KCNIP4: variants seen among roughly 807,000 people sequenced by gnomAD.
KCNIP4 encodes the protein potassium voltage-gated channel interacting protein 4.
Under a neutral mutation model 34.0 loss-of-function variants are expected in KCNIP4, and 12 were observed. The observed-to-expected ratio is 0.35, with a 90% CI of 0.23 to 0.57. The LOEUF (loss-of-function observed/expected upper bound fraction) is 0.57. Among genes scored for constraint, KCNIP4 ranks in the 20% least tolerant of loss-of-function variants. The pLI, the probability that KCNIP4 is intolerant of heterozygous loss-of-function variation, is 0.83. For synonymous variants in KCNIP4, 124 were observed against 102.2 expected (o/e 1.21, Z -1.29); for missense variants, 238 against 311.7 (o/e 0.76, Z 1.78).
chr4:21,926,821 T>G lies in KCNIP4; in HGVS notation c.61+21750A>C, dbSNP rs372006925. 1.9e-3 allele frequency among the ~76,000 whole-genome samples: 297 copies of G among 152,326 alleles called. 2 individuals carry two copies. The highest frequency in any genetic ancestry group is 6.6e-3 in the African/African-American group (275 of 41,578). On this transcript the variant is annotated intron_variant, in intron 1 of 8. Transcript: ENST00000382152. Reference sequence around the variant, plus strand: ...ATTATTAAGATGTATATCCTTTCTCTAAGTATGTTGTTTATATTATTGTAA... The same window carrying G: ...ATTATTAAGATGTATATCCTTTCTCGAAGTATGTTGTTTATATTATTGTAA...
At chr4:21,722,316 G>A (rs571464529) in intron 1 of KCNIP4, among the ~76,000 whole-genome samples, 1 of 152,138 alleles carries the variant, frequency 6.6e-6, no homozygotes, top group Non-Finnish European at 1.5e-5. Flanking sequence ...CTTTAGGCAT[G>A]TGAGGCGGGG....
At chr4:21,149,737 T>C (rs1214890498) in intron 1 of KCNIP4, among the ~76,000 whole-genome samples, 1 of 151,874 alleles carries the variant, frequency 6.6e-6, no homozygotes, top group South Asian at 2.1e-4. Context: ...AAGGAGAGTA[T>C]AATGAAGTAA....
At chr4:21,551,773 G>A (rs957588954) in intron 1 of KCNIP4, among the ~76,000 whole-genome samples, 3 of 151,942 alleles carry the variant, frequency 2.0e-5, no homozygotes, top group Non-Finnish European at 2.9e-5. Context: ...TAGAATTTTT[G>A]TTCCCCTAAC....
At chr4:21,206,563 A>T (rs1461639907) in intron 1 of KCNIP4, among the ~76,000 whole-genome samples, 1 of 152,204 alleles carries the variant, frequency 6.6e-6, no homozygotes, top group Non-Finnish European at 1.5e-5. Context: ...TGAGAAGAGC[A>T]TTAGACTGAG....
intron 1 of KCNIP4, among the ~76,000 whole-genome samples, chr4:21,801,932 G>C (rs1721027372): frequency 6.6e-6 from 1 of 151,862 alleles, no homozygotes; most frequent in Non-Finnish European, 1.5e-5. Flanking sequence ...GAAAGGGATA[G>C]AGAACACAAA....
intron 1 of KCNIP4, among the ~76,000 whole-genome samples, chr4:21,917,108 T>C (rs1560180609): frequency 6.6e-6 from 1 of 151,068 alleles, no homozygotes; most frequent in Non-Finnish European, 1.5e-5. Flanking sequence ...AGAACTAATA[T>C]TTATTTAGTA....
Position 20,990,535 on chromosome 4 carries a change from T to C in KCNIP4, c.62-107826A>G, listed in dbSNP as rs146238451. Reference sequence around the variant, plus strand: ...CCATCCTAAGACACTTCCAGCAATATTGCACTAATGTATCTTGAAAATAGT... The same window carrying C: ...CCATCCTAAGACACTTCCAGCAATACTGCACTAATGTATCTTGAAAATAGT... On this transcript the variant is annotated intron_variant, in intron 1 of 8. Transcript: ENST00000382152. 2.1e-3 allele frequency among the ~76,000 whole-genome samples: 321 copies of C among 152,326 alleles called. 1 individual carries two copies. Among genetic ancestry groups the C allele is most frequent in the Non-Finnish European group, 2.8e-3 (190 of 68,030 alleles).
intron 1 of KCNIP4, among the ~76,000 whole-genome samples, chr4:21,864,399 T>A (rs1289718352): frequency 6.6e-6 from 1 of 152,146 alleles, no homozygotes; most frequent in South Asian, 2.1e-4. Context: ...AACAACCAGG[T>A]TTTTAGGACC....
chr4:21,882,418 G>A (rs1001912132), intron 1 of KCNIP4, among the ~76,000 whole-genome samples: 10 of 152,106 alleles, frequency 6.6e-5, no homozygotes, highest in African/African-American at 1.7e-4. Context: ...TACAAAACAT[G>A]AAGAGTTTTT....
rs11944478 is a variant in KCNIP4 at position 21,626,018 on chromosome 4, C to T, written c.61+322553G>A. Among the ~76,000 whole-genome samples, 111 of 152,228 alleles carry T rather than the reference C, an allele frequency of 7.3e-4. 1 individual carries two copies. The highest frequency in any genetic ancestry group is 3.4e-3 in the Middle Eastern group (1 of 294). On this transcript the variant is annotated intron_variant, in intron 1 of 8. Coordinates refer to ENST00000382152, the MANE Select transcript of KCNIP4 (RefSeq NM_025221.6). ...AAGCTTCCTAGTTGAATTTTAATTT[C>T]AGATAAACAGCCAATACTTCTTTAG...
At chr4:21,008,855 T>C (rs182710097) in intron 1 of KCNIP4, among the ~76,000 whole-genome samples, 16 of 152,124 alleles carry the variant, frequency 1.1e-4, no homozygotes, top group Admixed American at 9.8e-4. Context: ...TGTAAGGTGC[T>C]AATCATTGGG....
intron 1 of KCNIP4, among the ~76,000 whole-genome samples, chr4:21,235,673 G>C (rs1004374609): frequency 4.6e-5 from 7 of 152,098 alleles, no homozygotes; most frequent in African/African-American, 1.7e-4. Context: ...CAGCTTATTT[G>C]GTTAGTGACT....
At chr4:20,930,682 G>T (rs1730366575) in intron 1 of KCNIP4, among the ~76,000 whole-genome samples, 1 of 152,076 alleles carries the variant, frequency 6.6e-6, no homozygotes, top group African/African-American at 2.4e-5. Flanking sequence ...CAAACAGCTT[G>T]ATTAAAAACA....
chr4:21,102,066 G>C (rs1368146757), intron 1 of KCNIP4, among the ~76,000 whole-genome samples: 1 of 152,160 alleles, frequency 6.6e-6, no homozygotes, highest in Non-Finnish European at 1.5e-5. Context: ...TGCCTTTAGA[G>C]ACCCTCTTGG....
At chr4:21,640,330 T>C (rs1746522161) in intron 1 of KCNIP4, among the ~76,000 whole-genome samples, 2 of 152,188 alleles carry the variant, frequency 1.3e-5, no homozygotes, top group Non-Finnish European at 2.9e-5. Flanking sequence ...CAGTTCCCAC[T>C]GTATTTTCCG....
intron 1 of KCNIP4, among the ~76,000 whole-genome samples, chr4:21,796,353 T>G (rs1720625662): frequency 6.6e-6 from 1 of 152,128 alleles, no homozygotes; most frequent in Admixed American, 6.5e-5. Context: ...CCTTCCCCAT[T>G]TCTTCCAACT....
chr4:21,595,523 G>C (rs1198637207), intron 1 of KCNIP4, among the ~76,000 whole-genome samples: 1 of 151,892 alleles, frequency 6.6e-6, no homozygotes, highest in Non-Finnish European at 1.5e-5. Flanking sequence ...GGGATTGCTG[G>C]GTCAAATAGT....
intron 1 of KCNIP4, among the ~76,000 whole-genome samples, chr4:21,386,154 G>A (rs139383626): frequency 3.3e-5 from 5 of 152,102 alleles, no homozygotes; most frequent in Admixed American, 6.6e-5. Flanking sequence ...GTATGCAATT[G>A]CATTTTTCAT....
chr4:21,418,901 G>C (rs757453590), intron 1 of KCNIP4, among the ~76,000 whole-genome samples: 7 of 152,190 alleles, frequency 4.6e-5, no homozygotes, highest in Non-Finnish European at 7.3e-5. Context: ...CATCTCTTCA[G>C]AGTGTGGTTG....
Sources: allele counts gnomAD v4.1 joint callset (sites outside exome capture counted in the v4.1 genomes callset), GRCh38; gene constraint gnomAD v4.1.1; transcripts MANE v1.5; gene names NCBI Gene and HGNC (gene_info 2026-07-23, HGNC 2026-07-21).